PCNX1: variants seen among roughly 807,000 people sequenced by gnomAD.
PCNX1 encodes the protein pecanex-like protein 1.
A neutral mutation model predicts 242.2 loss-of-function variants in PCNX1; 78 were observed. That is an observed-to-expected ratio of 0.32 (90% CI 0.27 to 0.39). The LOEUF (loss-of-function observed/expected upper bound fraction) is 0.39. Ranked by LOEUF, PCNX1 falls within the 10% of genes least tolerant of loss-of-function variation. PCNX1 has a pLI of 1.00. For missense variants in PCNX1, 2,581 were observed against 2,856.5 expected (o/e 0.90, Z 2.20); for synonymous variants, 1,024 against 1,032.9 (o/e 0.99, Z 0.17).
At chr14:70,963,742 T>C (rs72724330) in intron 3 of PCNX1, among the ~76,000 whole-genome samples, 43,236 of 152,114 alleles carry the variant, frequency 0.28, 7,148 homozygotes, top group Non-Finnish European at 0.38. Flanking sequence ...CATCACTTTC[T>C]TTTTTTAACC....
intron 5 of PCNX1, chr14:70,969,334 G>T: frequency 2.3e-6 from 1 of 438,078 alleles, no homozygotes; most frequent in Non-Finnish European, 4.1e-6. Flanking sequence ...CATGGAGAGA[G>T]AAATTCTATG....
At chr14:71,065,704 A>T (rs996514480) in intron 26 of PCNX1, among the ~76,000 whole-genome samples, 1 of 152,096 alleles carries the variant, frequency 6.6e-6, no homozygotes, top group Non-Finnish European at 1.5e-5. Flanking sequence ...TATGTCCTGA[A>T]TGGTATTGTC....
intron 1 of PCNX1, among the ~76,000 whole-genome samples, chr14:70,930,011 A>G (rs1390366875): frequency 7.9e-5 from 12 of 152,170 alleles, no homozygotes; most frequent in Admixed American, 7.9e-4. Context: ...TTAGTCCATC[A>G]GTATACATCC....
intron 26 of PCNX1, among the ~76,000 whole-genome samples, chr14:71,070,433 C>G (rs1595432911): frequency 6.6e-6 from 1 of 152,216 alleles, no homozygotes; most frequent in African/African-American, 2.4e-5. Context: ...TCTGTGGCAG[C>G]TATAGCCTTA....
At chr14:71,034,063 A>G (rs1266581740) in intron 18 of PCNX1, 27 bp downstream of exon 18, 3 of 1,226,294 alleles carry the variant, frequency 2.4e-6, no homozygotes, top group East Asian at 2.3e-5. Context: ...AGAATCACCT[A>G]AAAGACTTAA....
At position 70,977,835 on chromosome 14, in the gene PCNX1, A is replaced by C; in HGVS notation, c.1498A>C (p.Thr500Pro). 3.1e-6 allele frequency: 5 copies of C among 1,614,178 alleles called. No individual in the cohort carries two copies. The highest frequency in any genetic ancestry group is 4.2e-6 in the Non-Finnish European group (5 of 1,180,020). Residue 500 changes from threonine to proline, a missense_variant, in exon 6 of 36, where the codon ACT becomes CCT. Around this residue, in one of 9 missense-constraint regions of PCNX1, gnomAD observed 1,204 missense variants for 1,216.7 expected, o/e 0.99. Coordinates refer to ENST00000304743, the MANE Select transcript of PCNX1 (RefSeq NM_014982.3). ...ANKNPHANEF[T>P]SQGDRPPGNT... is the part of the protein sequence containing the mutation. ...TAAAAATCCCCATGCAAATGAATTT[A>C]CTTCCCAAGGGGACAGACCACCTGG...
intron 11 of PCNX1, among the ~76,000 whole-genome samples, chr14:71,014,294 G>C (rs2059901300): frequency 6.6e-6 from 1 of 152,100 alleles, no homozygotes; most frequent in Non-Finnish European, 1.5e-5. Context: ...TAAAGTCTAA[G>C]AAGATTTATG....
intron 24 of PCNX1, chr14:71,053,202 T>C: frequency 2.2e-6 from 1 of 446,434 alleles, no homozygotes. Context: ...TAGCCCAAAG[T>C]AATGTTCAGT....
In PCNX1 at chr14:71,076,294, G is replaced by A. The variant is rs1461373071; in HGVS notation, c.5212G>A (p.Val1738Met). 1.9e-6 allele frequency: 3 copies of A among 1,613,812 alleles called. No individual in the cohort carries two copies. Among genetic ancestry groups the A allele is most frequent in the East Asian group, 2.2e-5 (1 of 44,882 alleles). ...RLCADRNYVD[V>M]DPTFNPNIDE... is the part of the protein sequence containing the mutation. ...GTGTGCTGATCGCAATTATGTCGATGTGGACCCGACCTTTAATCCAAACAT... is the reference window on the plus strand; with the variant it reads ...GTGTGCTGATCGCAATTATGTCGATATGGACCCGACCTTTAATCCAAACAT... The change falls in exon 28 of 36, where the codon GTG becomes ATG. Residue 1738 changes from valine to methionine, a missense_variant. Physicochemically the swap from Val to Met is conservative, Grantham distance 21. Around this residue, in one of 9 missense-constraint regions of PCNX1, gnomAD observed 298 missense variants for 480.1 expected, o/e 0.62. Transcript: ENST00000304743.
chr14:71,050,174 T>TTA (rs2060984250), intron 22 of PCNX1, among the ~76,000 whole-genome samples: 1 of 151,834 alleles, frequency 6.6e-6, no homozygotes, highest in Admixed American at 6.6e-5. Context: ...TCTTTTTTTT[T>TTA]ATTTATTATT....
At chr14:71,008,864 CAAAGGGGA>C (rs895685273) in intron 8 of PCNX1, among the ~76,000 whole-genome samples, 1 of 151,850 alleles carries the variant, frequency 6.6e-6, no homozygotes, top group Non-Finnish European at 1.5e-5. Flanking sequence ...CATAGATCCT[CAAAGGGGA>C]AGAATACATC....
At position 71,073,802 on chromosome 14, in the gene PCNX1, G is replaced by A. The variant is rs1317888976; in HGVS notation, c.5106+4G>A. ...ACTCACCACTTACTATGTCAAGGTA[G>A]GAGTATGTGCCTACTTAGATCTTTA... On this transcript the variant is annotated splice_donor_region_variant and intron_variant, in intron 27 of 35. Coordinates refer to ENST00000304743, the MANE Select transcript of PCNX1 (RefSeq NM_014982.3). 1.3e-6 allele frequency: 2 copies of A among 1,589,562 alleles called. No homozygotes were observed. The highest frequency in any genetic ancestry group is 1.7e-6 in the Non-Finnish European group (2 of 1,164,292).
At position 70,978,424 on chromosome 14, in the gene PCNX1, G is replaced by A. The variant is rs1238261946; in HGVS notation, c.2087G>A (p.Gly696Asp). Residue 696 changes from glycine to aspartate, a missense_variant, in exon 6 of 36, where the codon GGC becomes GAC. Transcript: ENST00000304743. ...TRARVLSLDS[G>D]TVACLNDSNR... Reference sequence around the variant, plus strand: ...GCCCGAGTGTTGAGCCTGGACAGTGGCACAGTAGCATGTTTGAATGACTCA... The same window carrying A: ...GCCCGAGTGTTGAGCCTGGACAGTGACACAGTAGCATGTTTGAATGACTCA... 3.7e-6 allele frequency: 6 copies of A among 1,614,058 alleles called. No homozygotes were observed. In the East Asian group the frequency reaches 8.9e-5, roughly 24 times the overall value.
intron 34 of PCNX1, 137 bp downstream of exon 34, chr14:71,109,183 A>G (rs918793154): frequency 1.1e-6 from 1 of 917,948 alleles, no homozygotes; most frequent in African/African-American, 1.7e-5. Context: ...ATGTTGGGGA[A>G]AAATTTCTTC....
intron 1 of PCNX1, among the ~76,000 whole-genome samples, chr14:70,913,876 T>A (rs1165076681): frequency 6.6e-6 from 1 of 152,232 alleles, no homozygotes; most frequent in Non-Finnish European, 1.5e-5. Flanking sequence ...ATATGATTTT[T>A]AAGTATTATT....
In PCNX1 at chr14:70,969,064, T is replaced by C. The variant is rs947135207; in HGVS notation, c.558T>C (p.Ser186=). ...AGACTTCTGATGATATCAGTTTAAG[T>C]CTGGGCCAAAGTTCTAGTCTTTGTA... is the stretch of plus-strand genomic sequence containing the variant. ...TAKTSDDISL[S]LGQSSSLCKE... The change falls in exon 5 of 36, where the codon AGT becomes AGC. Residue 186 remains serine (S), a synonymous_variant. Transcript: ENST00000304743. 1 of 1,611,448 alleles carries C rather than the reference T, an allele frequency of 6.2e-7. No homozygotes were observed. The highest frequency in any genetic ancestry group is 8.5e-7 in the Non-Finnish European group (1 of 1,177,706).
At chr14:70,967,488 T>C (rs1327517958) in intron 3 of PCNX1, among the ~76,000 whole-genome samples, 1 of 152,240 alleles carries the variant, frequency 6.6e-6, no homozygotes, top group African/African-American at 2.4e-5. Flanking sequence ...TATTTATTTA[T>C]ATGATTTTCA....
intron 26 of PCNX1, among the ~76,000 whole-genome samples, chr14:71,063,670 G>A (rs948259290): frequency 1.5e-4 from 23 of 152,034 alleles, no homozygotes; most frequent in African/African-American, 5.6e-4. Context: ...GCAGATATTT[G>A]GATCTGCTGA....
At chr14:71,023,917 T>TA (rs1209202852) in intron 13 of PCNX1, among the ~76,000 whole-genome samples, 1 of 152,122 alleles carries the variant, frequency 6.6e-6, no homozygotes, top group Admixed American at 6.5e-5. Flanking sequence ...ATGAGCAAAA[T>TA]AAAACAAAGA....
Sources: gnomAD v4.1 joint callset for allele counts (sites outside exome capture counted in the v4.1 genomes callset) on GRCh38, gnomAD v4.1.1 for gene constraint, gnomAD v4.1.1 regional missense constraint, MANE v1.5 for transcripts, NCBI Gene and HGNC (gene_info 2026-07-23, HGNC 2026-07-21) for gene names.